RASGRF2: variants seen among roughly 807,000 people sequenced by gnomAD.
RASGRF2 encodes the protein Ras protein specific guanine nucleotide releasing factor 2.
Under a neutral mutation model 151.0 loss-of-function variants are expected in RASGRF2, and 76 were observed. That is an observed-to-expected ratio of 0.50 (90% CI 0.42 to 0.61). RASGRF2 has a LOEUF of 0.61. Among genes scored for constraint, RASGRF2 ranks in the 20% least tolerant of loss-of-function variants. RASGRF2 has a pLI of 0.00. For synonymous variants in RASGRF2, 504 were observed against 566.5 expected (o/e 0.89, Z 1.57); for missense variants, 1,148 against 1,564.6 (o/e 0.73, Z 4.49).
chr5:81,070,623 C>T (rs1156697807), intron 4 of RASGRF2, 42 bp downstream of exon 4: 4 of 1,514,448 alleles, frequency 2.6e-6, no homozygotes, highest in Non-Finnish European at 3.7e-6. Flanking sequence ...GCATGGTGAC[C>T]AGTCGTCTGT....
intron 9 of RASGRF2, among the ~76,000 whole-genome samples, chr5:81,088,944 A>G (rs976284094): frequency 6.6e-6 from 1 of 151,350 alleles, no homozygotes; most frequent in South Asian, 2.1e-4. Context: ...TCTGTCAGCT[A>G]TGAATATTTC....
intron 17 of RASGRF2, among the ~76,000 whole-genome samples, chr5:81,143,746 CG>C (rs1753938983): frequency 6.6e-6 from 1 of 151,824 alleles, no homozygotes; most frequent in East Asian, 1.9e-4. Flanking sequence ...AAAAATTAGC[CG>C]GACGTGGTGG....
chr5:81,058,026 A>G (rs1751285173), intron 2 of RASGRF2, among the ~76,000 whole-genome samples: 1 of 152,058 alleles, frequency 6.6e-6, no homozygotes, highest in Admixed American at 6.6e-5. Flanking sequence ...TTAATTAATT[A>G]ATAACCCTGT....
chr5:80,985,412 G>A lies in RASGRF2; in HGVS notation c.288+24386G>A, dbSNP rs989256342. Reference sequence around the variant, plus strand: ...TTTAGCCATTTAGTAATTGATATACGATGTAGCTACATAACAAGTTCAAAA... The same window carrying A: ...TTTAGCCATTTAGTAATTGATATACAATGTAGCTACATAACAAGTTCAAAA... On this transcript the variant is annotated intron_variant, in intron 1 of 26. Coordinates refer to ENST00000265080, the MANE Select transcript of RASGRF2 (RefSeq NM_006909.3). Among the ~76,000 whole-genome samples, 5 of 152,106 alleles carry A rather than the reference G, an allele frequency of 3.3e-5. No homozygotes were observed. The East Asian group carries it at 7.7e-4, about 23-fold the overall frequency.
chr5:81,039,511 A>G (rs1434119812), intron 1 of RASGRF2, among the ~76,000 whole-genome samples: 2 of 152,196 alleles, frequency 1.3e-5, no homozygotes, highest in African/African-American at 4.8e-5. Flanking sequence ...ATGTAAAGCA[A>G]AAACTGACAG....
chr5:81,122,548 C>G (rs1753337819), intron 15 of RASGRF2, among the ~76,000 whole-genome samples: 1 of 152,096 alleles, frequency 6.6e-6, no homozygotes, highest in African/African-American at 2.4e-5. Context: ...ATAAAAATGG[C>G]CTTAGATGAA....
intron 17 of RASGRF2, among the ~76,000 whole-genome samples, chr5:81,154,224 A>G (rs747509375): frequency 8.5e-5 from 13 of 152,222 alleles, no homozygotes; most frequent in African/African-American, 1.2e-4. Context: ...TAATAGACAT[A>G]TATAGAATAC....
intron 16 of RASGRF2, 139 bp from the exon 17 acceptor site, chr5:81,126,935 T>C: frequency 1.2e-6 from 1 of 817,080 alleles, no homozygotes; most frequent in Non-Finnish European, 1.9e-6. Flanking sequence ...TGCAATCTTG[T>C]TGTTTGCCCA....
intron 9 of RASGRF2, chr5:81,087,687 G>A: frequency 2.8e-6 from 1 of 359,306 alleles, no homozygotes; most frequent in South Asian, 6.9e-5. Context: ...TAGTGCTTAG[G>A]TCCTCTGGGG....
chr5:81,188,384 G>A (rs1755079192), intron 18 of RASGRF2, among the ~76,000 whole-genome samples: 1 of 152,192 alleles, frequency 6.6e-6, no homozygotes, highest in African/African-American at 2.4e-5. Flanking sequence ...CACCATGGCT[G>A]GATGAGACTT....
intron 3 of RASGRF2, chr5:81,070,153 C>T: frequency 3.9e-6 from 1 of 254,910 alleles, no homozygotes; most frequent in South Asian, 5.5e-5. Context: ...AGGCAGCCAC[C>T]TTCAGGCGAG....
intron 17 of RASGRF2, among the ~76,000 whole-genome samples, chr5:81,136,215 C>A (rs1753749995): frequency 6.6e-6 from 1 of 152,190 alleles, no homozygotes; most frequent in South Asian, 2.1e-4. Context: ...CCTTTATCTT[C>A]ATTTTTTCCT....
chr5:81,155,784 A>G (rs910260386), intron 17 of RASGRF2, among the ~76,000 whole-genome samples: 3 of 152,190 alleles, frequency 2.0e-5, no homozygotes, highest in Admixed American at 2.0e-4. Context: ...AGATAGAGAG[A>G]CAGGAGATGT....
At position 80,980,097 on chromosome 5, in the gene RASGRF2, C is replaced by T. The variant is rs371169491; in HGVS notation, c.288+19071C>T. Among the ~76,000 whole-genome samples the T allele has an allele frequency of 5.4e-4, 82 of 152,202 alleles. 2 individuals carry two copies. The East Asian group carries it at 0.014, about 27-fold the overall frequency. On this transcript the variant is annotated intron_variant, in intron 1 of 26. Transcript: ENST00000265080. Reference sequence around the variant, plus strand: ...TGACAGTTTGGTAATTTTAGCCCATCGTTAAATCTGATTTGTTACCTTTGT... The same window carrying T: ...TGACAGTTTGGTAATTTTAGCCCATTGTTAAATCTGATTTGTTACCTTTGT...
chr5:81,210,724 T>C (rs969052822), intron 22 of RASGRF2, among the ~76,000 whole-genome samples: 1 of 152,188 alleles, frequency 6.6e-6, no homozygotes, highest in Non-Finnish European at 1.5e-5. Flanking sequence ...CAACCTGTCA[T>C]ACAAGAGCAC....
At chr5:81,203,206 T>G (rs1295758209) in intron 19 of RASGRF2, among the ~76,000 whole-genome samples, 1 of 152,238 alleles carries the variant, frequency 6.6e-6, no homozygotes, top group Non-Finnish European at 1.5e-5. Context: ...TTTGTTATGC[T>G]CTTTGCATTT....
At position 81,080,797 on chromosome 5, in the gene RASGRF2, A is replaced by G; in HGVS notation, c.1161+8A>G. 3 of 1,610,236 alleles carry G rather than the reference A, an allele frequency of 1.9e-6. No homozygotes were observed. The highest frequency in any genetic ancestry group is 1.1e-5 in the South Asian group (1 of 90,580). On this transcript the variant is annotated splice_region_variant and intron_variant, in intron 7 of 26. Coordinates refer to ENST00000265080, the MANE Select transcript of RASGRF2 (RefSeq NM_006909.3). Reference sequence around the variant, plus strand: ...ACCTATCCCATGTTTCAGGTAAGTCACTTGGGATGCATTTTGTAAGTCAGA... The same window carrying G: ...ACCTATCCCATGTTTCAGGTAAGTCGCTTGGGATGCATTTTGTAAGTCAGA...
chr5:81,060,883 C>T (rs894543350), intron 2 of RASGRF2, among the ~76,000 whole-genome samples: 1 of 152,102 alleles, frequency 6.6e-6, no homozygotes, highest in Non-Finnish European at 1.5e-5. Context: ...CCAAAGAAAG[C>T]TCCCTTTAAG....
At chr5:81,026,980 A>G (rs1211615929) in intron 1 of RASGRF2, among the ~76,000 whole-genome samples, 1 of 152,198 alleles carries the variant, frequency 6.6e-6, no homozygotes, top group African/African-American at 2.4e-5. Flanking sequence ...GAATTTGCAC[A>G]TAGGTGTTTT....
Sources: gnomAD v4.1 joint callset for allele counts (sites outside exome capture counted in the v4.1 genomes callset) on GRCh38, gnomAD v4.1.1 for gene constraint, MANE v1.5 for transcripts, NCBI Gene and HGNC (gene_info 2026-07-23, HGNC 2026-07-21) for gene names.